Variants in COQ4 observed in about 807,000 individuals in gnomAD.
COQ4 encodes coenzyme Q4.
COQ4 carries 36 observed loss-of-function variants against 30.2 expected under a neutral mutation model. The observed-to-expected ratio is 1.19, with a 90% CI of 0.91 to 1.57. The LOEUF (loss-of-function observed/expected upper bound fraction) is 1.57, where lower values mean the gene tolerates loss of function less well. Among genes scored for constraint, COQ4 ranks in the 40% most tolerant of loss-of-function variants. The pLI, the probability that COQ4 is intolerant of heterozygous loss-of-function variation, is 0.00. For synonymous variants in COQ4, 197 were observed against 161.0 expected, an observed-to-expected ratio of 1.22 and a Z score of -1.69; for missense variants, 369 against 371.9, an observed-to-expected ratio of 0.99 and a Z score of 0.07.
chr9:128,332,603 G>T, intron 5 of COQ4: 1 of 586,584 alleles, frequency 1.7e-6, no homozygotes, highest in Non-Finnish European at 3.0e-6. Context: ...CCTGGCTTAT[G>T]GGGTCATGGG....
chr9:128,325,851 T>C lies in COQ4; in HGVS notation c.372T>C (p.Gly124=). The C allele has an allele frequency of 6.2e-7, 1 of 1,614,168 alleles. No homozygotes were observed. Among genetic ancestry groups the C allele is most frequent in the Non-Finnish European group, 8.5e-7 (1 of 1,180,030 alleles). The stretch of plus-strand genomic sequence containing the variant: ...AGAGCCTGCCGGAAGGCTCCCTCGG[T>C]CGCGAGTATCTCCGTTTCCTGGATG... The part of the protein sequence containing the change: ...KLQSLPEGSL[G]REYLRFLDVN... Residue 124 remains glycine (G), a synonymous_variant, in exon 4 of 7, where the codon GGT becomes GGC. Transcript: ENST00000300452.
chr9:128,324,467 C>T (rs1338329894), intron 2 of COQ4, among the ~76,000 whole-genome samples: 1 of 152,106 alleles, frequency 6.6e-6, no homozygotes, highest in Non-Finnish European at 1.5e-5. Context: ...CTCACATTAA[C>T]CAGCTAAGAA....
chr9:128,325,241 T>C lies in COQ4; in HGVS notation c.299+2T>C. ...TCCAGAGGGTGCCCAGATCCTGCAG[T>C]AGGTCCCAGCTCTGCCTGGGGGTCT... On this transcript the variant is annotated splice_donor_variant, in intron 3 of 6. Coordinates refer to ENST00000300452, the MANE Select transcript of COQ4 (RefSeq NM_016035.5). LOFTEE classifies it high-confidence loss of function. The C allele has an allele frequency of 6.2e-7, 1 of 1,606,344 alleles. No homozygotes were observed. The highest frequency in any genetic ancestry group is 1.1e-5 in the South Asian group (1 of 90,786).
chr9:128,329,072 C>T (rs1832365637), intron 4 of COQ4, among the ~76,000 whole-genome samples: 2 of 152,184 alleles, frequency 1.3e-5, no homozygotes, highest in African/African-American at 4.8e-5. Context: ...GTGTGGTCAT[C>T]TTGTAGTATC....
intron 4 of COQ4, 175 bp from the exon 5 acceptor site, chr9:128,331,978 C>T: frequency 3.1e-6 from 2 of 643,058 alleles, no homozygotes; most frequent in Non-Finnish European, 2.6e-6. Flanking sequence ...ATCCGCCCAC[C>T]TTAGCCTCCC....
rs748611095 is a variant in COQ4, at chr9:128,325,225, T to C, written c.285T>C (p.Gly95=). 2 of 1,613,532 alleles carry C rather than the reference T, an allele frequency of 1.2e-6. No individual in the cohort carries two copies. Among genetic ancestry groups the C allele is most frequent in the Admixed American group, 1.7e-5 (1 of 59,958 alleles). ...LRDQMRRDPE[G]AQILQERPRI... is the part of the protein sequence containing the mutation. Reference sequence around the variant, plus strand: ...ACCAGATGAGGAGGGATCCAGAGGGTGCCCAGATCCTGCAGTAGGTCCCAG... The same window carrying C: ...ACCAGATGAGGAGGGATCCAGAGGGCGCCCAGATCCTGCAGTAGGTCCCAG... The change falls in exon 3 of 7, where the codon GGT becomes GGC. Residue 95 remains glycine (G), a synonymous_variant. Coordinates refer to ENST00000300452, the MANE Select transcript of COQ4 (RefSeq NM_016035.5).
intron 6 of COQ4, 70 bp downstream of exon 6, chr9:128,333,013 C>T: frequency 8.6e-7 from 1 of 1,163,110 alleles, no homozygotes; most frequent in Non-Finnish European, 1.3e-6. Context: ...GGGACCAGGG[C>T]TCTTAGAAGT....
chr9:128,333,188 A>T (rs1009846982), intron 6 of COQ4, among the ~76,000 whole-genome samples: 7 of 152,152 alleles, frequency 4.6e-5, no homozygotes, highest in African/African-American at 7.2e-5. Context: ...GCCAGGCCTA[A>T]GTGCATGGTC....
At chr9:128,330,201 T>G (rs1234334177) in intron 4 of COQ4, among the ~76,000 whole-genome samples, 1 of 145,918 alleles carries the variant, frequency 6.9e-6, no homozygotes, top group Non-Finnish European at 1.5e-5. Context: ...AAACCCTGTC[T>G]CTACTAAAAA....
Position 128,322,879 on chromosome 9 carries a change from TGTCCTCCGTCG to T in COQ4, c.23_33del (p.Val8AlafsTer19), listed in dbSNP as rs886041549. The T allele has an allele frequency of 3.6e-5, 57 of 1,584,516 alleles. No homozygotes were observed. Among genetic ancestry groups the T allele is most frequent in the Non-Finnish European group, 4.7e-5 (55 of 1,169,394 alleles). ...CTGCCATGGCGACTCTGCTGCGCCC[TGTCCTCCGTCG>T]GCTCTGCGGGCTCCCGGGCCTACAG... On this transcript the variant is annotated frameshift_variant, in exon 1 of 7. Coordinates refer to ENST00000300452, the MANE Select transcript of COQ4 (RefSeq NM_016035.5). LOFTEE classifies it high-confidence loss of function.
At chr9:128,325,388 G>C (rs1832300416) in intron 3 of COQ4, 149 bp downstream of exon 3, 2 of 626,478 alleles carry the variant, frequency 3.2e-6, no homozygotes, top group African/African-American at 1.8e-5. Flanking sequence ...CCCAATTCCA[G>C]GGGTGTCATT....
At position 128,333,897 on chromosome 9, in the gene COQ4, G is replaced by A; in HGVS notation, c.*252G>A. 3.1e-6 allele frequency: 1 copy of A among 323,836 alleles called. No individual in the cohort carries two copies. The highest frequency in any genetic ancestry group is 5.6e-6 in the Non-Finnish European group (1 of 178,258). 20.1% of individuals were successfully genotyped at this position (323,836 alleles called of 1,614,324 possible). A position where few individuals can be genotyped will look rare whatever the true frequency, so the allele number is the denominator to read the frequency against. On this transcript the variant is annotated 3_prime_UTR_variant, in exon 7 of 7. Transcript: ENST00000300452. ...ATGCATGAACAGTATCAGTCGTCTGGGCTCATGCTGGGATGTCGCAGTGCT... is the reference window on the plus strand; with the variant it reads ...ATGCATGAACAGTATCAGTCGTCTGAGCTCATGCTGGGATGTCGCAGTGCT...
intron 6 of COQ4, 62 bp from the exon 7 acceptor site, chr9:128,333,412 C>T (rs1183066617): frequency 8.6e-6 from 12 of 1,399,240 alleles, no homozygotes; most frequent in East Asian, 2.5e-5. Flanking sequence ...GCACAAGTGC[C>T]GAGCAGTCGA....
chr9:128,332,166 A>G lies in COQ4; in HGVS notation c.416A>G (p.Asp139Gly). 6.4e-7 allele frequency: 1 copy of G among 1,572,918 alleles called. No homozygotes were observed. The highest frequency in any genetic ancestry group is 1.3e-5 in the African/African-American group (1 of 74,084). Reference sequence around the variant, plus strand: ...CATGGTTGTCAGAGGGTCTCCCCAGACACCCGAGCACCCACCCGCTTCGTG... The same window carrying G: ...CATGGTTGTCAGAGGGTCTCCCCAGGCACCCGAGCACCCACCCGCTTCGTG... ...RFLDVNRVSP[D>G]TRAPTRFVDD... Residue 139 changes from aspartate (D) to glycine (G), a missense_variant, in exon 5 of 7, where the codon GAC becomes GGC. Transcript: ENST00000300452.
chr9:128,326,044 G>T, intron 4 of COQ4, 163 bp downstream of exon 4: 1 of 661,664 alleles, frequency 1.5e-6, no homozygotes. Context: ...ATAGGCAAAT[G>T]GGTGGGAACA....
rs375750495 is a variant in COQ4 at position 128,322,906 on chromosome 9, G to C, written c.48G>C (p.Pro16=). ...TCCTCCGTCGGCTCTGCGGGCTCCC[G>C]GGCCTACAGCGGCCTGCGGCAGGCA... is the stretch of plus-strand genomic sequence containing the variant. ...RPVLRRLCGL[P]GLQRPAAEMP... The change falls in exon 1 of 7, where the codon CCG becomes CCC. Residue 16 remains proline (P), a synonymous_variant. Coordinates refer to ENST00000300452, the MANE Select transcript of COQ4 (RefSeq NM_016035.5). The C allele has an allele frequency of 2.0e-4, 316 of 1,596,868 alleles. 1 individual carries two copies. The African/African-American group carries it at 3.7e-3, about 18-fold the overall frequency.
At chr9:128,325,320 G>T (rs1832299821) in intron 3 of COQ4, 81 bp downstream of exon 3, 8 of 1,005,334 alleles carry the variant, frequency 8.0e-6, no homozygotes, top group Non-Finnish European at 1.0e-5. Flanking sequence ...TGTTTGTTCT[G>T]TTCCGCTAGG....
chr9:128,333,429 G>C (rs2131236700), intron 6 of COQ4, 45 bp from the exon 7 acceptor site: 1 of 1,462,272 alleles, frequency 6.8e-7, no homozygotes, highest in East Asian at 2.5e-5. Flanking sequence ...TCGAGTGCCT[G>C]GCCCCAGGGA....
In COQ4 at chr9:128,333,830, A is replaced by T. The variant is rs111451353; in HGVS notation, c.*185A>T. The T allele has an allele frequency of 2.2e-5, 10 of 459,184 alleles. No individual in the cohort carries two copies. The highest frequency in any genetic ancestry group is 1.6e-4 in the African/African-American group (8 of 49,190). 28.4% of individuals were successfully genotyped at this position (459,184 alleles called of 1,614,324 possible). A position where few individuals can be genotyped will look rare whatever the true frequency, so the allele number is the denominator to read the frequency against. On this transcript the variant is annotated 3_prime_UTR_variant, in exon 7 of 7. Coordinates refer to ENST00000300452, the MANE Select transcript of COQ4 (RefSeq NM_016035.5). ...GAACCCCGCAGGGAGCAAGCAGTACAGTGGCATTCCCAGGGGGACCAGCAG... is the reference window on the plus strand; with the variant it reads ...GAACCCCGCAGGGAGCAAGCAGTACTGTGGCATTCCCAGGGGGACCAGCAG...
Sources: allele counts gnomAD v4.1 joint callset (sites outside exome capture counted in the v4.1 genomes callset), GRCh38; gene constraint gnomAD v4.1.1; transcripts MANE v1.5; gene names NCBI Gene and HGNC (gene_info 2026-07-23, HGNC 2026-07-21).